DDX10: variants seen among roughly 807,000 people sequenced by gnomAD.
DDX10 encodes the protein DEAD-box helicase 10.
A neutral mutation model predicts 104.3 loss-of-function variants in DDX10; 74 were observed. That is an observed-to-expected ratio of 0.71 (90% CI 0.59 to 0.86). The LOEUF is 0.86. DDX10 is among the 40% of genes least tolerant of loss of function. The pLI is 0.00. For synonymous variants in DDX10, 351 were observed against 353.4 expected, an observed-to-expected ratio of 0.99 and a Z score of 0.08; for missense variants, 952 against 1,040.0, an observed-to-expected ratio of 0.92 and a Z score of 1.16.
intron 16 of DDX10, among the ~76,000 whole-genome samples, chr11:108,905,625 C>T (rs1374353808): frequency 6.6e-6 from 1 of 152,058 alleles, no homozygotes; most frequent in Non-Finnish European, 1.5e-5. Context: ...GCGATGTGTG[C>T]CTTTTCTGGA....
At chr11:108,723,496 C>T (rs2094301427) in intron 13 of DDX10, 34 bp downstream of exon 13, 1 of 1,577,906 alleles carries the variant, frequency 6.3e-7, no homozygotes. Flanking sequence ...TCTTCTATTA[C>T]ATTGTCTTAC....
At chr11:108,838,695 C>A in intron 14 of DDX10, 130 bp downstream of exon 14, 1 of 1,050,744 alleles carries the variant, frequency 9.5e-7, no homozygotes, top group Non-Finnish European at 1.3e-6. Context: ...ATTCCTTTCA[C>A]TGTTACTGTA....
intron 13 of DDX10, among the ~76,000 whole-genome samples, chr11:108,739,423 C>T (rs2094322420): frequency 6.6e-6 from 1 of 152,178 alleles, no homozygotes. Flanking sequence ...TCTGTGCTTA[C>T]TGCTGTTAGA....
At chr11:108,742,701 G>A (rs1042397938) in intron 13 of DDX10, among the ~76,000 whole-genome samples, 1 of 152,068 alleles carries the variant, frequency 6.6e-6, no homozygotes, top group Non-Finnish European at 1.5e-5. Context: ...AATCAGAAAT[G>A]ACAGAACATT....
chr11:108,861,119 G>A (rs1407641763), intron 16 of DDX10, among the ~76,000 whole-genome samples: 1 of 150,592 alleles, frequency 6.6e-6, no homozygotes, highest in Non-Finnish European at 1.5e-5. Context: ...AATCTAGTAG[G>A]CGCAATCTAA....
intron 16 of DDX10, among the ~76,000 whole-genome samples, chr11:108,873,031 G>A (rs574837947): frequency 2.1e-4 from 32 of 152,240 alleles, no homozygotes; most frequent in Non-Finnish European, 3.7e-4. Context: ...AGTGTTTATA[G>A]AATAAACATC....
rs934472685 is a variant in DDX10, at chr11:108,714,085, T to C, written c.1323-1794T>C. 3.9e-5 allele frequency among the ~76,000 whole-genome samples: 6 copies of C among 152,284 alleles called. No homozygotes were observed. The South Asian group carries it at 6.2e-4, about 16-fold the overall frequency. The stretch of plus-strand genomic sequence containing the variant: ...AGTGCTCAGGCATATTTCAAAATGG[T>C]TCATTTTCCCCTTGTTTTGCTGAAA... On this transcript the variant is annotated intron_variant, in intron 10 of 17. Transcript: ENST00000322536.
intron 9 of DDX10, among the ~76,000 whole-genome samples, chr11:108,698,801 C>A (rs759495518): frequency 1.3e-5 from 2 of 152,178 alleles, no homozygotes; most frequent in African/African-American, 4.8e-5. Context: ...ACTATTCATC[C>A]GTTTCCCCCC....
chr11:108,885,950 G>T (rs1177738749), intron 16 of DDX10, among the ~76,000 whole-genome samples: 3 of 152,166 alleles, frequency 2.0e-5, no homozygotes, highest in East Asian at 1.9e-4. Context: ...TAAGGGAAAA[G>T]ATTTTACTGG....
chr11:108,670,330 G>A (rs1382272870), intron 1 of DDX10, among the ~76,000 whole-genome samples: 4 of 152,130 alleles, frequency 2.6e-5, no homozygotes, highest in Non-Finnish European at 5.9e-5. Context: ...AGAGGGAACA[G>A]GAGTAGGGAG....
Position 108,719,287 on chromosome 11 carries a change from A to G in DDX10, c.1411-510A>G, listed in dbSNP as rs137985841. Among the ~76,000 whole-genome samples, 132 of 152,294 alleles carry G rather than the reference A, an allele frequency of 8.7e-4. 1 individual carries two copies. Among genetic ancestry groups the G allele is most frequent in the African/African-American group, 3.0e-3 (126 of 41,584 alleles). Reference sequence around the variant, plus strand: ...TTTTGATACAATAATACAAAATATTATCAATAACTAGCATTTGTTGTTACT... The same window carrying G: ...TTTTGATACAATAATACAAAATATTGTCAATAACTAGCATTTGTTGTTACT... On this transcript the variant is annotated intron_variant, in intron 11 of 17. Transcript: ENST00000322536.
intron 13 of DDX10, among the ~76,000 whole-genome samples, chr11:108,797,074 G>A (rs1178494768): frequency 1.3e-5 from 2 of 151,018 alleles, no homozygotes; most frequent in African/African-American, 4.9e-5. Context: ...TTGCTCTGTC[G>A]CCAGGCTGGA....
intron 13 of DDX10, among the ~76,000 whole-genome samples, chr11:108,733,918 C>T (rs2094315330): frequency 6.6e-6 from 1 of 152,012 alleles, no homozygotes; most frequent in Non-Finnish European, 1.5e-5. Flanking sequence ...TCCTATTGTC[C>T]TGCGAGACCA....
At position 108,916,725 on chromosome 11, in the gene DDX10, T is replaced by C. The variant is rs574132745; in HGVS notation, c.2305-1148T>C. ...ATTTTCTGTTAAATGCATGTGCCAC[T>C]GCTTGTTTCGGTTTATCTGGTAGTT... On this transcript the variant is annotated intron_variant, in intron 16 of 17. Transcript: ENST00000322536. Among the ~76,000 whole-genome samples the C allele has an allele frequency of 8.5e-5, 13 of 152,334 alleles. No homozygotes were observed. The East Asian group carries it at 2.5e-3, about 29-fold the overall frequency.
chr11:108,897,160 A>G (rs1397722458), intron 16 of DDX10, among the ~76,000 whole-genome samples: 1 of 152,198 alleles, frequency 6.6e-6, no homozygotes, highest in Non-Finnish European at 1.5e-5. Flanking sequence ...ATTATCTCCA[A>G]AGAGGCGGAA....
chr11:108,785,498 T>C (rs565300939), intron 13 of DDX10, among the ~76,000 whole-genome samples: 7 of 152,340 alleles, frequency 4.6e-5, no homozygotes, highest in Non-Finnish European at 8.8e-5. Context: ...CTTGATTTTC[T>C]TGGAATAGAT....
In DDX10 at chr11:108,917,187, C is replaced by G. The variant is rs549417535; in HGVS notation, c.2305-686C>G. Among the ~76,000 whole-genome samples, 10 of 151,112 alleles carry G rather than the reference C, an allele frequency of 6.6e-5. No homozygotes were observed. The East Asian group carries it at 1.4e-3, about 20-fold the overall frequency. The stretch of plus-strand genomic sequence containing the variant: ...ACACGAGATCTTCCTGCCTCAGCCC[C>G]TGGAGTAGCTAGGACTACAGACACA... On this transcript the variant is annotated intron_variant, in intron 16 of 17. Transcript: ENST00000322536.
chr11:108,911,236 A>C (rs34593113), intron 16 of DDX10, among the ~76,000 whole-genome samples: 18,850 of 152,244 alleles, frequency 0.12, 1,369 homozygotes, highest in East Asian at 0.24. Flanking sequence ...CTAAATAAAG[A>C]TTTGTTGAAT....
At chr11:108,824,495 TTC>T (rs200286534) in intron 13 of DDX10, among the ~76,000 whole-genome samples, 2,358 of 152,308 alleles carry the variant, frequency 0.015, 57 homozygotes, top group African/African-American at 0.054. Flanking sequence ...CATATAAAAT[TTC>T]TGAGTTCTAG....
Sources: gnomAD v4.1 joint callset for allele counts (sites outside exome capture counted in the v4.1 genomes callset) on GRCh38, gnomAD v4.1.1 for gene constraint, MANE v1.5 for transcripts, NCBI Gene and HGNC (gene_info 2026-07-23, HGNC 2026-07-21) for gene names.